The following TRRAP variants were observed in gnomAD, a reference collection of about 807,000 sequenced individuals.
TRRAP encodes transformation/transcription domain-associated protein.
A neutral mutation model predicts 438.8 loss-of-function variants in TRRAP; 41 were observed. That is an observed-to-expected ratio of 0.09 (90% confidence interval 0.07 to 0.12). The LOEUF is 0.12. Among genes scored for constraint, TRRAP ranks in the 10% least tolerant of loss-of-function variants. TRRAP has a pLI of 1.00. For missense variants in TRRAP, 3,122 were observed against 5,055.1 expected (o/e 0.62, Z 11.60); for synonymous variants, 1,994 against 1,962.9 (o/e 1.02, Z -0.42).
rs781680968 is a variant in TRRAP at position 99,004,368 on chromosome 7, G to A, written c.10488G>A (p.Gly3496=). 2 of 1,614,170 alleles carry A rather than the reference G, an allele frequency of 1.2e-6. No homozygotes were observed. The highest frequency in any genetic ancestry group is 1.1e-5 in the South Asian group (1 of 91,060). Residue 3496 remains glycine (G), a synonymous_variant, in exon 68 of 73, where the codon GGG becomes GGA. Transcript: ENST00000456197. ...AGACAGCTGAAGTGGAAATTCCTGG[G>A]GAGTTTCTGATGCCAAAGCCAACGC... ...SAQTAEVEIP[G]EFLMPKPTHY...
At chr7:98,937,092 G>A (rs1790590206) in intron 28 of TRRAP, 64 bp from the exon 29 acceptor site, 3 of 1,526,006 alleles carry the variant, frequency 2.0e-6, no homozygotes, top group Non-Finnish European at 2.6e-6. Context: ...TAAATACAGA[G>A]AAGAAAATTA....
intron 51 of TRRAP, 69 bp downstream of exon 51, chr7:98,967,767 C>T: frequency 1.4e-6 from 2 of 1,416,676 alleles, no homozygotes; most frequent in Non-Finnish European, 2.0e-6. Context: ...GCTCCAAAGC[C>T]AGGAGGTGTT....
At chr7:98,886,373 T>C (rs894026408) in intron 3 of TRRAP, among the ~76,000 whole-genome samples, 8 of 151,898 alleles carry the variant, frequency 5.3e-5, no homozygotes, top group Admixed American at 6.6e-5. Flanking sequence ...GAGATAGATA[T>C]AGATATCTAG....
chr7:98,902,032 A>G (rs1167185089), intron 11 of TRRAP, among the ~76,000 whole-genome samples: 1 of 152,218 alleles, frequency 6.6e-6, no homozygotes, highest in Non-Finnish European at 1.5e-5. Context: ...CTTGGCAACC[A>G]CGATTGTACT....
chr7:98,900,144 A>T (rs1796410230), intron 10 of TRRAP, among the ~76,000 whole-genome samples: 1 of 151,824 alleles, frequency 6.6e-6, no homozygotes, highest in South Asian at 2.1e-4. Flanking sequence ...ATCTCCAGAT[A>T]GGCTGTGTTC....
intron 30 of TRRAP, 98 bp from the exon 31 acceptor site, chr7:98,942,851 C>G: frequency 7.5e-7 from 1 of 1,332,822 alleles, no homozygotes; most frequent in Non-Finnish European, 1.1e-6. Context: ...CTGCAGTTCT[C>G]ACACTAAACA....
intron 3 of TRRAP, among the ~76,000 whole-genome samples, chr7:98,887,912 C>T (rs1463385535): frequency 6.6e-6 from 1 of 152,074 alleles, no homozygotes; most frequent in Admixed American, 6.6e-5. Context: ...CTGGTCTCAC[C>T]AGCTTGTCAG....
rs1457928289 is a variant in TRRAP, at chr7:99,013,067, C to T, written c.*712C>T. ...TTCTAGACATTTACTATCACTGCAC[C>T]TGAAGAAAAAATCACTTTTACCTTC... On this transcript the variant is annotated 3_prime_UTR_variant, in exon 73 of 73. Transcript: ENST00000456197. 1 of 152,198 alleles carries T rather than the reference C, an allele frequency of 6.6e-6. No homozygotes were observed. Among genetic ancestry groups the T allele is most frequent in the Non-Finnish European group, 1.5e-5 (1 of 68,034 alleles). The allele number at this position is 152,198 out of a possible 1,614,324, so 9.4% of individuals were successfully genotyped here. A position where few individuals can be genotyped will look rare whatever the true frequency, so the allele number is the denominator to read the frequency against.
chr7:98,984,454 A>G lies in TRRAP; in HGVS notation c.9288+96A>G, dbSNP rs1793064877. The G allele has an allele frequency of 1.4e-5, 20 of 1,429,282 alleles. No homozygotes were observed. The South Asian group carries it at 3.0e-4, about 21-fold the overall frequency. The allele number at this position is 1,429,282 out of a possible 1,614,324, so 88.5% of individuals were successfully genotyped here. On this transcript the variant is annotated intron_variant, in intron 61 of 72. Coordinates refer to ENST00000456197, the MANE Select transcript of TRRAP (RefSeq NM_001375524.1). The stretch of plus-strand genomic sequence containing the variant: ...GGTCTCCTGGTTCAGAATATAAGGA[A>G]GGTGGACTCGAACTTTCCACAAATA...
rs1451718672 is a variant in TRRAP, at chr7:99,008,484, G to A, written c.10861G>A (p.Glu3621Lys). The change falls in exon 70 of 73, where the codon GAG (glutamate) becomes AAG (lysine). Residue 3621 changes from glutamate (E) to lysine (K), a missense_variant. Around this residue, in one of 24 missense-constraint regions of TRRAP, gnomAD observed 38 missense variants for 32.1 expected, o/e 1.18. Transcript: ENST00000456197. ...YKQRCAKKGI[E>K]HDNPISRYYD... Reference sequence around the variant, plus strand: ...GCAGCGCTGCGCCAAGAAGGGCATCGAGCATGACAACCCCATCTCCCGTTA... The same window carrying A: ...GCAGCGCTGCGCCAAGAAGGGCATCAAGCATGACAACCCCATCTCCCGTTA... 5 of 1,614,174 alleles carry A rather than the reference G, an allele frequency of 3.1e-6. No individual in the cohort carries two copies. The highest frequency in any genetic ancestry group is 3.4e-6 in the Non-Finnish European group (4 of 1,180,036).
chr7:98,908,687 G>A lies in TRRAP; in HGVS notation c.1116-41G>A, dbSNP rs1554407924. 7.9e-6 allele frequency: 12 copies of A among 1,525,176 alleles called. No individual in the cohort carries two copies. Among genetic ancestry groups the A allele is most frequent in the Non-Finnish European group, 1.1e-5 (12 of 1,134,872 alleles). 94.5% of individuals were successfully genotyped at this position (1,525,176 alleles called of 1,614,324 possible). On this transcript the variant is annotated intron_variant, in intron 13 of 72. Coordinates refer to ENST00000456197, the MANE Select transcript of TRRAP (RefSeq NM_001375524.1). This position sits in a 1 kb window ranked among gnomAD's most constrained non-coding sequence, Gnocchi z 4.1. ...TTGGTGGCCTGCTGCAGCAGGCATG[G>A]CCACGTGGGAATGAGCACTAGTCGA...
At chr7:98,916,593 A>G (rs1789529167) in intron 19 of TRRAP, among the ~76,000 whole-genome samples, 1 of 152,294 alleles carries the variant, frequency 6.6e-6, no homozygotes, top group Non-Finnish European at 1.5e-5. Context: ...TGAAATGGTG[A>G]TGAATCTGCC....
intron 62 of TRRAP, among the ~76,000 whole-genome samples, chr7:98,988,252 G>A (rs931432269): frequency 4.6e-5 from 7 of 152,186 alleles, no homozygotes; most frequent in African/African-American, 1.2e-4. Flanking sequence ...GAGTTCCCAC[G>A]TGACCAGCAT....
intron 30 of TRRAP, among the ~76,000 whole-genome samples, chr7:98,938,589 A>G (rs928264449): frequency 8.5e-5 from 13 of 152,156 alleles, no homozygotes; most frequent in African/African-American, 2.7e-4. Context: ...TGCTTTTCCC[A>G]TTTAACAGCC....
At chr7:99,010,359 C>T (rs1794375151) in intron 70 of TRRAP, among the ~76,000 whole-genome samples, 1 of 152,182 alleles carries the variant, frequency 6.6e-6, no homozygotes, top group Non-Finnish European at 1.5e-5. Flanking sequence ...GTGCTTCTTC[C>T]CATTTGACGG....
At chr7:98,900,016 T>G (rs538039445) in intron 10 of TRRAP, among the ~76,000 whole-genome samples, 21 of 152,368 alleles carry the variant, frequency 1.4e-4, no homozygotes, top group African/African-American at 4.8e-4. Context: ...GGCATTACCG[T>G]GCTCAATGAC....
chr7:98,909,051 C>CCTTGTT (rs1285467138), intron 14 of TRRAP, 89 bp downstream of exon 14: 1 of 1,187,086 alleles, frequency 8.4e-7, no homozygotes, highest in Admixed American at 2.7e-5. Context: ...TGAGACAGAT[C>CCTTGTT]CTTGTTCTGT....
Position 98,950,137 on chromosome 7 carries a change from A to T in TRRAP, c.5209A>T (p.Thr1737Ser), listed in dbSNP as rs781993748. ...TACTGGTCGTTTTCTCTGCAACATG[A>T]CATTCTTAAAAGAGTATATGGAGGA... ...AFTGRFLCNMTFLKEYMEEEI... is the reference protein window; with the variant it reads ...AFTGRFLCNMSFLKEYMEEEI... Residue 1737 changes from threonine to serine, a missense_variant, in exon 38 of 73, where the codon ACA becomes TCA. Physicochemically the swap from Thr to Ser is moderately conservative, Grantham distance 58 (BLOSUM62 1). This residue lies in a region of TRRAP where 272 missense variants were observed against 348.5 expected (regional missense o/e 0.78). Transcript: ENST00000456197. The T allele has an allele frequency of 6.2e-7, 1 of 1,614,236 alleles. No individual in the cohort carries two copies. Among genetic ancestry groups the T allele is most frequent in the East Asian group, 2.2e-5 (1 of 44,888 alleles).
At chr7:98,934,459 C>G (rs1554413792) in intron 27 of TRRAP, among the ~76,000 whole-genome samples, 3 of 152,190 alleles carry the variant, frequency 2.0e-5, no homozygotes, top group Non-Finnish European at 4.4e-5. Flanking sequence ...AAATGCATAA[C>G]TTCCCTTGGC....
Sources: allele counts gnomAD v4.1 joint callset (sites outside exome capture counted in the v4.1 genomes callset), GRCh38; gene constraint gnomAD v4.1.1; regional missense constraint gnomAD v4.1.1; non-coding constraint Gnocchi (gnomAD v3.1); transcripts MANE v1.5; gene names NCBI Gene and HGNC (gene_info 2026-07-23, HGNC 2026-07-21).